Variants in TMEM260 observed in about 807,000 individuals in gnomAD.
TMEM260 encodes protein O-mannosyl-transferase TMEM260.
Under a neutral mutation model 88.9 loss-of-function variants are expected in TMEM260, and 82 were observed. The ratio of observed to expected loss-of-function variants is 0.92; its 90% CI spans 0.77 to 1.11. The LOEUF (loss-of-function observed/expected upper bound fraction) is 1.11. Among genes scored for constraint, TMEM260 ranks in the 50% least tolerant of loss-of-function variants. TMEM260 has a pLI of 0.00. For synonymous variants in TMEM260, 314 were observed against 309.3 expected, an observed-to-expected ratio of 1.02 and a Z score of -0.16; for missense variants, 902 against 853.4, an observed-to-expected ratio of 1.06 and a Z score of -0.71.
In TMEM260 at chr14:56,647,328, G is replaced by T; in HGVS notation, c.1955G>T (p.Arg652Leu). ...GCCATCGCCTGTGAGCGGATGCTGC[G>T]TCTTCAGGCAAGAGATGCAGATCCT... is the stretch of plus-strand genomic sequence containing the variant. ...NYAIACERML[R>L]LQARDADPEV... is the part of the protein sequence containing the mutation. The change falls in exon 16 of 16, where the codon CGT (arginine) becomes CTT (leucine). Residue 652 changes from arginine (R) to leucine (L), a missense_variant. Physicochemically the swap from Arg to Leu is moderately radical, Grantham distance 102. Transcript: ENST00000261556. 2.5e-6 allele frequency: 4 copies of T among 1,614,174 alleles called. No homozygotes were observed. The highest frequency in any genetic ancestry group is 1.3e-5 in the African/African-American group (1 of 75,054).
chr14:56,635,800 T>TTTAAAGAGTGGTCAAGA (rs1363441889), intron 14 of TMEM260, among the ~76,000 whole-genome samples: 23 of 152,218 alleles, frequency 1.5e-4, no homozygotes, highest in Admixed American at 4.6e-4. Flanking sequence ...TAAAGAGGTT[T>TTTAAAGAGTGGTCAAGA]TTAAAGAGTG....
intron 15 of TMEM260, among the ~76,000 whole-genome samples, chr14:56,636,942 C>T (rs1889139043): frequency 6.6e-6 from 1 of 152,152 alleles, no homozygotes; most frequent in Non-Finnish European, 1.5e-5. Flanking sequence ...GTGGGCCCAA[C>T]ATAATCATAA....
intron 11 of TMEM260, among the ~76,000 whole-genome samples, chr14:56,622,375 T>C (rs1887987982): frequency 6.6e-6 from 1 of 151,674 alleles, no homozygotes; most frequent in Non-Finnish European, 1.5e-5. Flanking sequence ...ATTGTTATTT[T>C]ATATTCAGCT....
At chr14:56,611,398 A>G (rs1225564714) in intron 6 of TMEM260, among the ~76,000 whole-genome samples, 1 of 152,246 alleles carries the variant, frequency 6.6e-6, no homozygotes, top group South Asian at 2.1e-4. Flanking sequence ...TACATTTAAA[A>G]CCTGTGTCTT....
intron 5 of TMEM260, among the ~76,000 whole-genome samples, chr14:56,607,931 C>T (rs1415692160): frequency 6.6e-6 from 1 of 152,186 alleles, no homozygotes; most frequent in Non-Finnish European, 1.5e-5. Context: ...GAAAATTCTG[C>T]AGCAACTCAT....
chr14:56,608,643 A>T (rs1376424442), intron 5 of TMEM260, among the ~76,000 whole-genome samples: 1 of 152,154 alleles, frequency 6.6e-6, no homozygotes, highest in Non-Finnish European at 1.5e-5. Flanking sequence ...GCTTGTAGAA[A>T]TAATTGTCAA....
At position 56,621,703 on chromosome 14, in the gene TMEM260, G is replaced by A; in HGVS notation, c.1398+1G>A. 1 of 1,600,162 alleles carries A rather than the reference G, an allele frequency of 6.2e-7. No individual in the cohort carries two copies. The highest frequency in any genetic ancestry group is 2.2e-5 in the East Asian group (1 of 44,738). On this transcript the variant is annotated splice_donor_variant, in intron 11 of 15. Coordinates refer to ENST00000261556, the MANE Select transcript of TMEM260 (RefSeq NM_017799.4). LOFTEE classifies it high-confidence loss of function. ...TGACATTTCATTAGTGGATCAGGAA[G>A]TAAGTATATGAAAAATATACTTAGA... is the stretch of plus-strand genomic sequence containing the variant.
intron 15 of TMEM260, among the ~76,000 whole-genome samples, chr14:56,644,788 A>C (rs554278254): frequency 6.6e-6 from 1 of 152,348 alleles, no homozygotes; most frequent in Admixed American, 6.5e-5. Flanking sequence ...CAATGAACTC[A>C]AACAAATTTA....
At chr14:56,627,105 T>G (rs1357309948) in intron 12 of TMEM260, among the ~76,000 whole-genome samples, 1 of 152,206 alleles carries the variant, frequency 6.6e-6, no homozygotes, top group Non-Finnish European at 1.5e-5. Flanking sequence ...ATATTCTGTT[T>G]CTAGACTTTT....
At chr14:56,650,179 C>T (rs1566587165), downstream of TMEM260, 1 of 434,186 alleles carries the variant, frequency 2.3e-6, no homozygotes. Context: ...GGCCAGCGTT[C>T]TAGCAGTGTC....
At chr14:56,653,938 T>TA (rs111570058), downstream of TMEM260, among the ~76,000 whole-genome samples, 3 of 152,264 alleles carry the variant, frequency 2.0e-5, no homozygotes, top group Admixed American at 1.3e-4. Flanking sequence ...ACAGTTTCCC[T>TA]ACTCCAGTCC....
intron 3 of TMEM260, among the ~76,000 whole-genome samples, chr14:56,588,377 T>G (rs907687407): frequency 7.2e-5 from 11 of 152,204 alleles, no homozygotes; most frequent in African/African-American, 2.6e-4. Context: ...AACAAAGATT[T>G]TATTTCAAAA....
At chr14:56,634,973 T>A in intron 14 of TMEM260, 21 bp downstream of exon 14, 1 of 1,610,638 alleles carries the variant, frequency 6.2e-7, no homozygotes, top group Non-Finnish European at 8.5e-7. Context: ...TACATTTTTG[T>A]GTGTGCAGTC....
chr14:56,628,448 G>A (rs1015670238), intron 12 of TMEM260, among the ~76,000 whole-genome samples: 6 of 151,926 alleles, frequency 3.9e-5, no homozygotes, highest in Admixed American at 3.3e-4. Context: ...TATATTTTTG[G>A]TATCATATCT....
chr14:56,634,488 T>G (rs1888872151), intron 13 of TMEM260, among the ~76,000 whole-genome samples: 1 of 152,210 alleles, frequency 6.6e-6, no homozygotes, highest in African/African-American at 2.4e-5. Flanking sequence ...TGTCAGTATT[T>G]CAAGATTCAT....
In TMEM260 at chr14:56,618,333, G is replaced by A. The variant is rs1333490014; in HGVS notation, c.1057-261G>A. ...CTCCTTCAGCCTGTATATTACTGGA[G>A]TTCAAGACTAAGGCCACAGTATTGA... is the stretch of plus-strand genomic sequence containing the variant. On this transcript the variant is annotated intron_variant, in intron 9 of 15. Transcript: ENST00000261556. 5.3e-5 allele frequency among the ~76,000 whole-genome samples: 8 copies of A among 152,176 alleles called. No individual in the cohort carries two copies. In the South Asian group the frequency reaches 1.2e-3, roughly 24 times the overall value.
At chr14:56,596,381 AGTGTGT>A (rs376857460) in intron 3 of TMEM260, among the ~76,000 whole-genome samples, 170 of 126,592 alleles carry the variant, frequency 1.3e-3, no homozygotes, top group African/African-American at 4.3e-3. Flanking sequence ...TATATGTGAG[AGTGTGT>A]GTGTGTGTGT....
intron 1 of TMEM260, among the ~76,000 whole-genome samples, chr14:56,583,990 T>TTGTGTGTGTGTG (rs10594077): frequency 2.3e-4 from 33 of 145,944 alleles, no homozygotes; most frequent in East Asian, 1.4e-3. Context: ...ATCCAGCCTT[T>TTGTGTGTGTGTG]TGTGTGTGTG....
rs369073175 is a variant in TMEM260, at chr14:56,623,682, A to G, written c.1399-1700A>G. On this transcript the variant is annotated intron_variant, in intron 11 of 15. Coordinates refer to ENST00000261556, the MANE Select transcript of TMEM260 (RefSeq NM_017799.4). ...TTTGAGAACCAAATGAGGAACAGTA[A>G]AGTCCATAGCACACAGTGGGTATGT... is the stretch of plus-strand genomic sequence containing the variant. Among the ~76,000 whole-genome samples, 59 of 152,316 alleles carry G rather than the reference A, an allele frequency of 3.9e-4. No homozygotes were observed. The East Asian group carries it at 9.6e-3, about 25-fold the overall frequency.
Sources: allele counts gnomAD v4.1 joint callset (sites outside exome capture counted in the v4.1 genomes callset), GRCh38; gene constraint gnomAD v4.1.1; transcripts MANE v1.5; gene names NCBI Gene and HGNC (gene_info 2026-07-23, HGNC 2026-07-21).